ANKRD34B: variants seen among roughly 807,000 people sequenced by gnomAD.
ANKRD34B encodes ankyrin repeat domain 34B.
In ANKRD34B, 2 loss-of-function variants were observed where a neutral mutation model predicts 4.4. That is an observed-to-expected ratio of 0.46 (90% CI 0.19 to 1.44). The LOEUF (loss-of-function observed/expected upper bound fraction) is 1.44. ANKRD34B is among the 40% of genes most tolerant of loss of function. The probability of loss-of-function intolerance (pLI) is 0.26; values close to 1 mark genes in which losing one functional copy is unlikely to be tolerated. For missense variants in ANKRD34B, 558 were observed against 604.7 expected (o/e 0.92, Z 0.81); for synonymous variants, 226 against 227.1 (o/e 0.99, Z 0.05).
In ANKRD34B at chr5:80,559,878, T is replaced by C. The variant is rs752279417; in HGVS notation, c.142A>G (p.Met48Val). The change falls in exon 5 of 5, where the codon ATG becomes GTG. Residue 48 changes from methionine (M) to valine (V), a missense_variant. Physicochemically the swap from Met to Val is conservative, Grantham distance 21. Transcript: ENST00000338682. The part of the protein sequence containing the change: ...ESNDRGETPL[M>V]IACKTKHVDH... ...ACATGTTTGGTCTTACAAGCGATCA[T>C]TAAAGGGGTTTCCCCACGGTCGTTG... 7 of 1,614,252 alleles carry C rather than the reference T, an allele frequency of 4.3e-6. No homozygotes were observed. Among genetic ancestry groups the C allele is most frequent in the Non-Finnish European group, 5.9e-6 (7 of 1,180,046 alleles).
At chr5:80,562,052 CGTGTGTGTGTGTGTGTGTGTGT>C (rs56934964) in intron 4 of ANKRD34B, among the ~76,000 whole-genome samples, 13 of 128,334 alleles carry the variant, frequency 1.0e-4, no homozygotes, top group Non-Finnish European at 1.5e-4. Flanking sequence ...ACTGACTCAG[CGTGTGTGTGTGTGTGTGTGTGT>C]GTGTGTGTGT....
At chr5:80,560,322 A>G (rs1272760767) in intron 4 of ANKRD34B, among the ~76,000 whole-genome samples, 3 of 152,202 alleles carry the variant, frequency 2.0e-5, no homozygotes, top group Non-Finnish European at 4.4e-5. Flanking sequence ...TTAAAAAATA[A>G]TTTACCTGTG....
intron 4 of ANKRD34B, among the ~76,000 whole-genome samples, chr5:80,562,485 CAG>C (rs1016466714): frequency 2.6e-5 from 4 of 152,106 alleles, no homozygotes; most frequent in Non-Finnish European, 5.9e-5. Flanking sequence ...AACAAGAAAA[CAG>C]GGGAATAAGT....
chr5:80,566,503 A>G (rs1385948969), intron 3 of ANKRD34B, among the ~76,000 whole-genome samples, 186 bp downstream of exon 3: 2 of 152,168 alleles, frequency 1.3e-5, no homozygotes, highest in Non-Finnish European at 2.9e-5. Context: ...GTGCAGGCCA[A>G]ACGTTGAAGT....
chr5:80,568,409 G>C (rs1016844803), intron 2 of ANKRD34B, among the ~76,000 whole-genome samples: 2 of 152,228 alleles, frequency 1.3e-5, no homozygotes, highest in African/African-American at 4.8e-5. Context: ...CCACAGCCTA[G>C]AGACGGGTCC....
At chr5:80,561,231 C>T (rs963097702) in intron 4 of ANKRD34B, among the ~76,000 whole-genome samples, 10 of 151,962 alleles carry the variant, frequency 6.6e-5, no homozygotes, top group African/African-American at 1.9e-4. Context: ...ATGTCTTCAT[C>T]GAGGACTAAG....
rs1746253813 is a variant in ANKRD34B at position 80,556,966 on chromosome 5, AT to A, written c.*1508del. On this transcript the variant is annotated 3_prime_UTR_variant, in exon 5 of 5. Coordinates refer to ENST00000338682, the MANE Select transcript of ANKRD34B (RefSeq NM_001004441.3). ...AATTAATATTAATGTTGTTCAAGAC[AT>A]GAAATGGAAAAACCTCTAATTACTT... 6.6e-6 allele frequency: 1 copy of A among 152,612 alleles called. No homozygotes were observed. The highest frequency in any genetic ancestry group is 2.4e-5 in the African/African-American group (1 of 41,464). 9.5% of individuals were successfully genotyped at this position (152,612 alleles called of 1,614,324 possible). A position where few individuals can be genotyped will look rare whatever the true frequency, so the allele number is the denominator to read the frequency against.
Position 80,558,531 on chromosome 5 carries a change from A to G in ANKRD34B, c.1489T>C (p.Leu497=), listed in dbSNP as rs747605832. The G allele has an allele frequency of 6.2e-7, 1 of 1,613,942 alleles. No individual in the cohort carries two copies. The highest frequency in any genetic ancestry group is 1.3e-5 in the African/African-American group (1 of 74,930). The change falls in exon 5 of 5, where the codon TTG becomes CTG. Residue 497 remains leucine, a synonymous_variant. Transcript: ENST00000338682. ...FPKEFKSKKM[L]LRRQSLQTEQ... ...GTTTGCAATGATTGTCTCCTTAACA[A>G]CATTTTCTTACTTTTGAATTCTTTA...
rs1746292923 is a variant in ANKRD34B at position 80,558,016 on chromosome 5, T to A, written c.*459A>T. 1 of 152,498 alleles carries A rather than the reference T, an allele frequency of 6.6e-6. No individual in the cohort carries two copies. The highest frequency in any genetic ancestry group is 2.4e-5 in the African/African-American group (1 of 41,458). The allele number at this position is 152,498 out of a possible 1,614,324, so 9.4% of individuals were successfully genotyped here. A position where few individuals can be genotyped will look rare whatever the true frequency, so the allele number is the denominator to read the frequency against. ...GCTCGAGTTTTTTTATCTTAGAACA[T>A]TTTACAGCTGTCGGTGTTTTCTTTT... On this transcript the variant is annotated 3_prime_UTR_variant, in exon 5 of 5. Coordinates refer to ENST00000338682, the MANE Select transcript of ANKRD34B (RefSeq NM_001004441.3).
rs1746272681 is a variant in ANKRD34B, at chr5:80,557,287, T to C, written c.*1188A>G. ...AATATTTTATAATACTAATATGGTATTCATTAATTTTGTTGGAAGTTATTC... is the reference window on the plus strand; with the variant it reads ...AATATTTTATAATACTAATATGGTACTCATTAATTTTGTTGGAAGTTATTC... On this transcript the variant is annotated 3_prime_UTR_variant, in exon 5 of 5. Transcript: ENST00000338682. 6.6e-6 allele frequency: 1 copy of C among 152,014 alleles called. No homozygotes were observed. The highest frequency in any genetic ancestry group is 2.4e-5 in the African/African-American group (1 of 41,422). 9.4% of individuals were successfully genotyped at this position (152,014 alleles called of 1,614,324 possible). A position where few individuals can be genotyped will look rare whatever the true frequency, so the allele number is the denominator to read the frequency against.
chr5:80,568,938 A>ATT (rs775631417), intron 2 of ANKRD34B, 22 bp downstream of exon 2: 4,788 of 150,048 alleles, frequency 0.032, 82 homozygotes, highest in Middle Eastern at 0.048. Flanking sequence ...AGAGAGAGAG[A>ATT]GAGAGAGAGA....
In ANKRD34B at chr5:80,568,925, CAGAG is replaced by C. The variant is rs1554060878; in HGVS notation, c.-191+31_-191+34del. The C allele has an allele frequency of 1.8e-3, 91 of 49,894 alleles. 2 individuals carry two copies. Among genetic ancestry groups the C allele is most frequent in the Middle Eastern group, 0.015 (1 of 66 alleles). 3.1% of individuals were successfully genotyped at this position (49,894 alleles called of 1,614,324 possible). On this transcript the variant is annotated intron_variant, in intron 2 of 4. Coordinates refer to ENST00000338682, the MANE Select transcript of ANKRD34B (RefSeq NM_001004441.3). Reference sequence around the variant, plus strand: ...ACACACACACACACACACACACACACAGAGAGAGAGAGAGAGAGAGAGAGAGAGG... The same window carrying C: ...ACACACACACACACACACACACACACAGAGAGAGAGAGAGAGAGAGAGAGG...
rs1746273149 is a variant in ANKRD34B, at chr5:80,557,328, C to G, written c.*1147G>C. The G allele has an allele frequency of 6.6e-6, 1 of 151,996 alleles. No homozygotes were observed. Among genetic ancestry groups the G allele is most frequent in the East Asian group, 1.9e-4 (1 of 5,188 alleles). The allele number at this position is 151,996 out of a possible 1,614,324, so 9.4% of individuals were successfully genotyped here. A position where few individuals can be genotyped will look rare whatever the true frequency, so the allele number is the denominator to read the frequency against. ...GAAGTTATTCACAGGTCCTAAAATACTAAATGATTGGAATGTCACACTAAG... is the reference window on the plus strand; with the variant it reads ...GAAGTTATTCACAGGTCCTAAAATAGTAAATGATTGGAATGTCACACTAAG... On this transcript the variant is annotated 3_prime_UTR_variant, in exon 5 of 5. Coordinates refer to ENST00000338682, the MANE Select transcript of ANKRD34B (RefSeq NM_001004441.3).
rs953024843 is a variant in ANKRD34B, at chr5:80,569,358, C to T, written c.-338-251G>A. Among the ~76,000 whole-genome samples the T allele has an allele frequency of 2.0e-5, 3 of 152,310 alleles. No individual in the cohort carries two copies. In the East Asian group the frequency reaches 5.8e-4, roughly 29 times the overall value. ...GAGGGGCGCAGCCACTGCCCCCATC[C>T]CGGAGCAGGCGCACCTCTGCACCCG... On this transcript the variant is annotated intron_variant, in intron 1 of 4. Coordinates refer to ENST00000338682, the MANE Select transcript of ANKRD34B (RefSeq NM_001004441.3).
Position 80,567,531 on chromosome 5 carries a change from G to C in ANKRD34B, c.-190-757C>G, listed in dbSNP as rs142743921. ...AGCTACTCAGGAGGCTGAGGCAGGAGAATCACTTGAACTCGGGAGGCGGAG... is the reference window on the plus strand; with the variant it reads ...AGCTACTCAGGAGGCTGAGGCAGGACAATCACTTGAACTCGGGAGGCGGAG... On this transcript the variant is annotated intron_variant, in intron 2 of 4. Transcript: ENST00000338682. Among the ~76,000 whole-genome samples, 561 of 148,692 alleles carry C rather than the reference G, an allele frequency of 3.8e-3. 3 individuals are homozygous for C. Among genetic ancestry groups the C allele is most frequent in the African/African-American group, 0.013 (523 of 40,184 alleles).
chr5:80,570,201 G>C lies in ANKRD34B; in HGVS notation c.-386C>G, dbSNP rs376993550. ...CGGCGGCGCTTTCAAACCTCTCTCC[G>C]GCACTGCCCGACCCTCTGTGCGGCC... is the stretch of plus-strand genomic sequence containing the variant. On this transcript the variant is annotated 5_prime_UTR_variant, in exon 1 of 5. Transcript: ENST00000338682. The C allele has an allele frequency of 6.4e-3, 976 of 152,502 alleles. 8 individuals carry two copies. The highest frequency in any genetic ancestry group is 0.01 in the Middle Eastern group (3 of 294). The allele number at this position is 152,502 out of a possible 1,614,324, so 9.4% of individuals were successfully genotyped here.
chr5:80,558,269 T>C lies in ANKRD34B; in HGVS notation c.*206A>G, dbSNP rs39983. ...GCATTGAGAAAAATCGCTTTCCTTT[T>C]GTTTGAGAGAATTCCCTTAACAGAA... On this transcript the variant is annotated 3_prime_UTR_variant, in exon 5 of 5. Transcript: ENST00000338682. The C allele has an allele frequency of 0.89, 337,210 of 380,932 alleles. 149,943 individuals carry two copies. Among genetic ancestry groups the C allele is most frequent in the East Asian group, 1 (23,918 of 23,942 alleles). 23.6% of individuals were successfully genotyped at this position (380,932 alleles called of 1,614,324 possible).
Sources: gnomAD v4.1 joint callset for allele counts (sites outside exome capture counted in the v4.1 genomes callset) on GRCh38, gnomAD v4.1.1 for gene constraint, MANE v1.5 for transcripts, NCBI Gene and HGNC (gene_info 2026-07-23, HGNC 2026-07-21) for gene names.